Variants in RORA observed in about 807,000 individuals in gnomAD.
RORA encodes nuclear receptor ROR-alpha.
RORA carries 7 observed loss-of-function variants against 69.5 expected under a neutral mutation model. That is an observed-to-expected ratio of 0.10 (90% confidence interval 0.06 to 0.19). The LOEUF (loss-of-function observed/expected upper bound fraction) is 0.19, where lower values mean the gene tolerates loss of function less well. Among genes scored for constraint, RORA ranks in the 10% least tolerant of loss-of-function variants. The pLI is 1.00. For missense variants in RORA, 457 were observed against 663.0 expected (o/e 0.69, Z 3.41); for synonymous variants, 261 against 240.8 (o/e 1.08, Z -0.78).
At chr15:60,699,698 T>C (rs572698813) in intron 1 of RORA, among the ~76,000 whole-genome samples, 1 of 152,230 alleles carries the variant, frequency 6.6e-6, no homozygotes, top group Non-Finnish European at 1.5e-5. Context: ...TACTGTAGCA[T>C]CTATATTTAA....
At chr15:60,867,540 C>G (rs1247717445) in intron 1 of RORA, among the ~76,000 whole-genome samples, 1 of 152,206 alleles carries the variant, frequency 6.6e-6, no homozygotes, top group Non-Finnish European at 1.5e-5. Flanking sequence ...TTAGGGTATA[C>G]AGATGGGAGT....
At chr15:60,560,882 A>G (rs965065697) in intron 2 of RORA, among the ~76,000 whole-genome samples, 1 of 152,206 alleles carries the variant, frequency 6.6e-6, no homozygotes, top group African/African-American at 2.4e-5. Flanking sequence ...TAGAAAATAC[A>G]GAGAAGTATA....
At chr15:61,115,386 C>T (rs1489361336) in intron 1 of RORA, among the ~76,000 whole-genome samples, 1 of 152,174 alleles carries the variant, frequency 6.6e-6, no homozygotes, top group Non-Finnish European at 1.5e-5. Context: ...GCCTGGCTGA[C>T]TAAGAAGACA....
At chr15:61,062,513 A>G (rs951119741) in intron 1 of RORA, among the ~76,000 whole-genome samples, 6 of 152,088 alleles carry the variant, frequency 3.9e-5, no homozygotes, top group African/African-American at 9.7e-5. Flanking sequence ...GAGTGTTGAG[A>G]GACAGGAGGA....
At chr15:61,139,729 T>C (rs988507968) in intron 1 of RORA, among the ~76,000 whole-genome samples, 68 of 152,338 alleles carry the variant, frequency 4.5e-4, no homozygotes, top group African/African-American at 1.6e-3. Flanking sequence ...CGACTACTCC[T>C]GCCTCCGTGG....
chr15:60,707,008 G>T (rs2071072106), intron 1 of RORA, among the ~76,000 whole-genome samples: 1 of 152,208 alleles, frequency 6.6e-6, no homozygotes, highest in Admixed American at 6.5e-5. Context: ...ACAAGAGAAA[G>T]ACACTAATAA....
Position 60,743,569 on chromosome 15 carries a change from A to G in RORA, c.167-64883T>C, listed in dbSNP as rs1478314506. ...CAATCCCATTGTCACTCTGCTATAG[A>G]CACTGATAAGTCTTATAAAGGCAGA... On this transcript the variant is annotated intron_variant, in intron 1 of 10. Coordinates refer to ENST00000335670, the MANE Select transcript of RORA (RefSeq NM_134261.3). 2.0e-5 allele frequency among the ~76,000 whole-genome samples: 3 copies of G among 152,332 alleles called. No individual in the cohort carries two copies. The East Asian group carries it at 5.8e-4, about 29-fold the overall frequency.
intron 1 of RORA, among the ~76,000 whole-genome samples, chr15:60,916,191 G>C (rs1201646838): frequency 6.6e-6 from 1 of 152,068 alleles, no homozygotes. Flanking sequence ...TGACTGATTG[G>C]GTCAAATTAC....
chr15:60,717,137 T>C (rs566544393), intron 1 of RORA, among the ~76,000 whole-genome samples: 18 of 152,198 alleles, frequency 1.2e-4, no homozygotes, highest in African/African-American at 3.4e-4. Context: ...TAAACAGTGT[T>C]AGAATTGAAT....
intron 1 of RORA, among the ~76,000 whole-genome samples, chr15:60,864,410 A>G (rs1373821041): frequency 6.6e-6 from 1 of 152,150 alleles, no homozygotes; most frequent in African/African-American, 2.4e-5. Flanking sequence ...TTTATTGGCC[A>G]TAATTTTTCA....
Position 60,494,845 on chromosome 15 carries a change from T to C in RORA, c.*2610A>G, listed in dbSNP as rs1055336319. The C allele has an allele frequency of 6.6e-6, 1 of 152,248 alleles. No homozygotes were observed. Among genetic ancestry groups the C allele is most frequent in the African/African-American group, 2.4e-5 (1 of 41,462 alleles). 9.4% of individuals were successfully genotyped at this position (152,248 alleles called of 1,614,324 possible). ...TGGTTAGAGCATGATTGTTTGTAGGTACATGCAGAATCCCTTCTGGGAAAA... is the reference window on the plus strand; with the variant it reads ...TGGTTAGAGCATGATTGTTTGTAGGCACATGCAGAATCCCTTCTGGGAAAA... On this transcript the variant is annotated 3_prime_UTR_variant, in exon 11 of 11. Transcript: ENST00000335670.
chr15:61,213,256 C>T lies in RORA; in HGVS notation c.166+15797G>A, dbSNP rs923502062. ...TCCTACCGCAGAGTCAACTCTTCTT[C>T]GCCTTCCACTCCCAACCCTCACCCC... On this transcript the variant is annotated intron_variant, in intron 1 of 10. Coordinates refer to ENST00000335670, the MANE Select transcript of RORA (RefSeq NM_134261.3). This position sits in a 1 kb window ranked among gnomAD's most constrained non-coding sequence, Gnocchi z 4.1. Among the ~76,000 whole-genome samples the T allele has an allele frequency of 1.3e-5, 2 of 152,150 alleles. No individual in the cohort carries two copies. Among genetic ancestry groups the T allele is most frequent in the African/African-American group, 2.4e-5 (1 of 41,434 alleles).
intron 1 of RORA, among the ~76,000 whole-genome samples, chr15:60,730,500 G>GAA (rs1780463872): frequency 6.6e-6 from 1 of 152,108 alleles, no homozygotes; most frequent in Non-Finnish European, 1.5e-5. Context: ...GTAGTATGTA[G>GAA]AATACAAATC....
At chr15:61,139,799 A>G (rs1015677808) in intron 1 of RORA, among the ~76,000 whole-genome samples, 1 of 152,222 alleles carries the variant, frequency 6.6e-6, no homozygotes, top group Non-Finnish European at 1.5e-5. Flanking sequence ...AAAGAACCCA[A>G]AAATAAATCA....
chr15:60,899,620 C>T (rs1044656181), intron 1 of RORA, among the ~76,000 whole-genome samples: 2 of 152,208 alleles, frequency 1.3e-5, no homozygotes, highest in Admixed American at 6.5e-5. Context: ...ACTGAAACCA[C>T]CTCTTACCAT....
At chr15:60,921,638 T>C (rs1566910171) in intron 1 of RORA, among the ~76,000 whole-genome samples, 2 of 152,182 alleles carry the variant, frequency 1.3e-5, no homozygotes, top group South Asian at 2.1e-4. Context: ...TGCACAAATA[T>C]GATCTGTGCA....
chr15:60,541,847 A>G (rs576975562), intron 2 of RORA, among the ~76,000 whole-genome samples: 1 of 152,326 alleles, frequency 6.6e-6, no homozygotes, highest in South Asian at 2.1e-4. Flanking sequence ...GCAAAGTAAG[A>G]ACACAACAGC....
Position 61,028,262 on chromosome 15 carries a change from C to T in RORA, c.166+200791G>A, listed in dbSNP as rs923065049. Among the ~76,000 whole-genome samples the T allele has an allele frequency of 3.4e-4, 51 of 152,114 alleles. 2 individuals are homozygous for T. The highest frequency in any genetic ancestry group is 9.2e-4 in the African/African-American group (38 of 41,494). ...TGAATTCTATTAATAAATACACAAA[C>T]GGGTAAAGGCATGCTGGGGGCATGA... On this transcript the variant is annotated intron_variant, in intron 1 of 10. Transcript: ENST00000335670.
chr15:60,910,564 A>G (rs914655904), intron 1 of RORA, among the ~76,000 whole-genome samples: 2 of 152,164 alleles, frequency 1.3e-5, no homozygotes, highest in Non-Finnish European at 2.9e-5. Context: ...CCTCAAAACA[A>G]CTTTGTGAAG....
Sources: gnomAD v4.1 joint callset for allele counts (sites outside exome capture counted in the v4.1 genomes callset) on GRCh38, gnomAD v4.1.1 for gene constraint, Gnocchi (gnomAD v3.1) non-coding constraint, MANE v1.5 for transcripts, NCBI Gene and HGNC (gene_info 2026-07-23, HGNC 2026-07-21) for gene names.